The following OSBPL9 variants were observed in gnomAD, a reference collection of about 807,000 sequenced individuals.
OSBPL9 encodes the protein oxysterol binding protein like 9, also known as oxysterol-binding protein-related protein 9.
A neutral mutation model predicts 106.6 loss-of-function variants in OSBPL9; 40 were observed. That is an observed-to-expected ratio of 0.38 (90% CI 0.29 to 0.49). The LOEUF (loss-of-function observed/expected upper bound fraction) is 0.49, where lower values mean the gene tolerates loss of function less well. OSBPL9 is among the 20% of genes least tolerant of loss of function. The pLI, the probability that OSBPL9 is intolerant of heterozygous loss-of-function variation, is 0.97. For missense variants in OSBPL9, 609 were observed against 887.2 expected (o/e 0.69, Z 3.98); for synonymous variants, 269 against 295.4 (o/e 0.91, Z 0.92).
intron 1 of OSBPL9, chr1:51,582,904 A>G (rs536862690): frequency 6.6e-6 from 1 of 152,180 alleles, no homozygotes; most frequent in Admixed American, 6.6e-5. Context: ...CCCAGGCAAC[A>G]TGGTGAAATT....
chr1:51,702,788 A>C (rs1251359841), intron 3 of OSBPL9, among the ~76,000 whole-genome samples: 3 of 152,200 alleles, frequency 2.0e-5, no homozygotes, highest in Non-Finnish European at 4.4e-5. Flanking sequence ...TCTAACATTT[A>C]AGTCTTTAAT....
intron 8 of OSBPL9, among the ~76,000 whole-genome samples, 163 bp downstream of exon 8, chr1:51,750,358 ATCTT>A: frequency 6.6e-6 from 1 of 152,318 alleles, no homozygotes; most frequent in South Asian, 2.1e-4. Context: ...TTTGGCTATT[ATCTT>A]AGCTACTGTT....
chr1:51,599,383 A>AGATT (rs1332825119), intron 2 of OSBPL9, among the ~76,000 whole-genome samples: 13 of 152,200 alleles, frequency 8.5e-5, no homozygotes, highest in Non-Finnish European at 1.5e-4. Context: ...GTGAAAGGAT[A>AGATT]GATTGAGTTT....
rs544625980 is a variant in OSBPL9 at position 51,775,016 on chromosome 1, A to G, written c.1171-1817A>G. Reference sequence around the variant, plus strand: ...GTTTATACATTAAAGGTATTTATCCATGTTTTCTTCTTCAGCATTTTTACT... The same window carrying G: ...GTTTATACATTAAAGGTATTTATCCGTGTTTTCTTCTTCAGCATTTTTACT... On this transcript the variant is annotated intron_variant, in intron 14 of 23. Transcript: ENST00000428468. Among the ~76,000 whole-genome samples the G allele has an allele frequency of 3.9e-5, 6 of 151,964 alleles. No individual in the cohort carries two copies. The East Asian group carries it at 1.2e-3, about 29-fold the overall frequency.
At chr1:51,645,921 T>TTATG (rs1646127317) in intron 1 of OSBPL9, among the ~76,000 whole-genome samples, 1 of 152,198 alleles carries the variant, frequency 6.6e-6, no homozygotes, top group African/African-American at 2.4e-5. Flanking sequence ...AATCACTTGA[T>TTATG]TATGTATGTA....
the OSBPL9 span, among the ~76,000 whole-genome samples, chr1:51,533,840 T>C: frequency 1.4e-5 from 2 of 144,144 alleles, no homozygotes; most frequent in Non-Finnish European, 1.5e-5. Context: ...TTTTCTTTTT[T>C]CTTTCTTTTT....
At chr1:51,538,977 C>A in the OSBPL9 span, among the ~76,000 whole-genome samples, 1 of 152,190 alleles carries the variant, frequency 6.6e-6, no homozygotes, top group African/African-American at 2.4e-5. Flanking sequence ...ACCCTAAAAT[C>A]CTCTGGACTC....
chr1:51,543,871 A>G, the OSBPL9 span, among the ~76,000 whole-genome samples: 1 of 152,238 alleles, frequency 6.6e-6, no homozygotes, highest in Non-Finnish European at 1.5e-5. Context: ...TAGGTCAAAC[A>G]TAGTGCTGAC....
chr1:51,524,096 C>A, the OSBPL9 span, among the ~76,000 whole-genome samples: 2 of 152,192 alleles, frequency 1.3e-5, no homozygotes, highest in African/African-American at 4.8e-5. Context: ...CTGCTGGTTT[C>A]ATAAATATAG....
At chr1:51,769,941 C>G (rs1046924302) in intron 12 of OSBPL9, among the ~76,000 whole-genome samples, 1 of 152,116 alleles carries the variant, frequency 6.6e-6, no homozygotes. Flanking sequence ...TGAGATACAT[C>G]ACAGAGGCAC....
chr1:51,642,105 C>T (rs879584362), intron 1 of OSBPL9, among the ~76,000 whole-genome samples: 3 of 151,956 alleles, frequency 2.0e-5, no homozygotes, highest in African/African-American at 4.8e-5. Flanking sequence ...TTTGGGCAGC[C>T]GATTTTAATT....
At chr1:51,662,910 A>G (rs1009700797) in intron 2 of OSBPL9, among the ~76,000 whole-genome samples, 2 of 151,796 alleles carry the variant, frequency 1.3e-5, no homozygotes, top group South Asian at 2.1e-4. Context: ...AGGCCTGGCT[A>G]ATTTTTTGTA....
chr1:51,746,278 G>T (rs1286743611), intron 5 of OSBPL9, among the ~76,000 whole-genome samples: 1 of 152,144 alleles, frequency 6.6e-6, no homozygotes, highest in African/African-American at 2.4e-5. Flanking sequence ...TAATTTGAGG[G>T]AGATGGAATA....
At chr1:51,745,147 T>C (rs1667721916) in intron 4 of OSBPL9, 1 of 169,146 alleles carries the variant, frequency 5.9e-6, no homozygotes, top group Admixed American at 5.7e-5. Flanking sequence ...AAGGGAGGAA[T>C]GAACTGAATG....
In OSBPL9 at chr1:51,710,878, C is replaced by G. The variant is rs1571240348; in HGVS notation, c.242-3125C>G. Among the ~76,000 whole-genome samples, 3 of 152,214 alleles carry G rather than the reference C, an allele frequency of 2.0e-5. No homozygotes were observed. In the South Asian group the frequency reaches 6.2e-4, roughly 32 times the overall value. On this transcript the variant is annotated intron_variant, in intron 3 of 23. Transcript: ENST00000428468. ...CTTTGATTTATCTTGCTTGGGATTC[C>G]TAGGACTTCTGAATGTCTTTAATCA...
chr1:51,731,736 C>T (rs1425629771), intron 4 of OSBPL9, among the ~76,000 whole-genome samples: 3 of 147,808 alleles, frequency 2.0e-5, no homozygotes, highest in Non-Finnish European at 4.4e-5. Context: ...GAGATCGTGC[C>T]ACTGCACTCC....
chr1:51,714,844 T>G (rs903699932), intron 4 of OSBPL9, among the ~76,000 whole-genome samples: 1 of 152,182 alleles, frequency 6.6e-6, no homozygotes, highest in Non-Finnish European at 1.5e-5. Flanking sequence ...ACCCTGGAGC[T>G]GGGATGTTAC....
At chr1:51,616,374 G>C (rs1050624006), upstream of OSBPL9, among the ~76,000 whole-genome samples, 4 of 152,102 alleles carry the variant, frequency 2.6e-5, no homozygotes, top group African/African-American at 9.7e-5. Flanking sequence ...CTGGCTCACT[G>C]CTCCACGCAC....
chr1:51,756,921 TCAACTTC>T (rs1670466553), intron 9 of OSBPL9: 1 of 152,136 alleles, frequency 6.6e-6, no homozygotes, highest in Admixed American at 6.5e-5. Context: ...TCCTTTATAT[TCAACTTC>T]CCCTCCAAAA....
Sources: gnomAD v4.1 joint callset for allele counts (sites outside exome capture counted in the v4.1 genomes callset) on GRCh38, gnomAD v4.1.1 for gene constraint, MANE v1.5 for transcripts, NCBI Gene and HGNC (gene_info 2026-07-23, HGNC 2026-07-21) for gene names.